The following TRPM3 variants were observed in gnomAD, a reference collection of about 807,000 sequenced individuals.
TRPM3 encodes transient receptor potential cation channel subfamily M member 3.
In TRPM3, 77 loss-of-function variants were observed where a neutral mutation model predicts 181.2. The observed-to-expected ratio is 0.42, with a 90% CI of 0.35 to 0.51. TRPM3 has a LOEUF of 0.51. Among genes scored for constraint, TRPM3 ranks in the 20% least tolerant of loss-of-function variants. TRPM3 has a pLI of 0.01. For missense variants in TRPM3, 1,759 were observed against 2,196.7 expected (o/e 0.80, Z 3.98); for synonymous variants, 745 against 796.4 (o/e 0.94, Z 1.09).
chr9:71,380,358 G>C (rs2092770572), intron 1 of TRPM3, among the ~76,000 whole-genome samples: 1 of 152,020 alleles, frequency 6.6e-6, no homozygotes, highest in South Asian at 2.1e-4. Flanking sequence ...TTGCGAGGAA[G>C]TATGCATGCT....
At chr9:71,423,020 G>A (rs1218185071) in intron 1 of TRPM3, among the ~76,000 whole-genome samples, 2 of 152,016 alleles carry the variant, frequency 1.3e-5, no homozygotes, top group African/African-American at 2.4e-5. Context: ...ACTGACAAAT[G>A]TGTTCTACGA....
intron 1 of TRPM3, among the ~76,000 whole-genome samples, chr9:71,278,233 A>G (rs1302317047): frequency 6.6e-6 from 1 of 152,220 alleles, no homozygotes; most frequent in African/African-American, 2.4e-5. Context: ...ATAAGCCATG[A>G]TCCCAGATTA....
At chr9:70,811,135 A>G (rs1335383419) in intron 6 of TRPM3, 1 of 1,526,798 alleles carries the variant, frequency 6.5e-7, no homozygotes, top group East Asian at 2.3e-5. Context: ...TTGGAGTTTA[A>G]GAAGAAATTC....
intron 22 of TRPM3, among the ~76,000 whole-genome samples, chr9:70,560,359 G>A (rs1473992876): frequency 6.6e-6 from 1 of 152,184 alleles, no homozygotes; most frequent in African/African-American, 2.4e-5. Flanking sequence ...TGACCCTGAA[G>A]TCTATATGTA....
chr9:70,975,220 T>G (rs1241322184), intron 1 of TRPM3, among the ~76,000 whole-genome samples: 1 of 152,200 alleles, frequency 6.6e-6, no homozygotes, highest in Non-Finnish European at 1.5e-5. Flanking sequence ...AAGGAGTTGT[T>G]GAACGGAGTC....
intron 1 of TRPM3, among the ~76,000 whole-genome samples, chr9:71,329,589 T>C (rs537025696): frequency 3.9e-5 from 6 of 152,298 alleles, no homozygotes; most frequent in African/African-American, 1.4e-4. Flanking sequence ...CAGGTTACAA[T>C]AAGTGTTGAA....
At chr9:71,068,521 T>C (rs990692633) in intron 1 of TRPM3, among the ~76,000 whole-genome samples, 1 of 152,114 alleles carries the variant, frequency 6.6e-6, no homozygotes. Flanking sequence ...ACACAACTAG[T>C]ATGTGCTTCT....
chr9:71,086,078 T>C (rs551193348), intron 1 of TRPM3, among the ~76,000 whole-genome samples: 122 of 152,118 alleles, frequency 8.0e-4, no homozygotes, highest in South Asian at 1.2e-3. Context: ...GCCATTATCC[T>C]AAGCAAATGA....
intron 1 of TRPM3, among the ~76,000 whole-genome samples, chr9:71,009,984 G>C (rs775110903): frequency 2.3e-4 from 35 of 152,156 alleles, no homozygotes; most frequent in Non-Finnish European, 1.0e-4. Flanking sequence ...TTGGGGAAAA[G>C]ACAGTCTCTT....
At chr9:70,643,124 C>T (rs2058307593) in intron 9 of TRPM3, among the ~76,000 whole-genome samples, 1 of 152,128 alleles carries the variant, frequency 6.6e-6, no homozygotes, top group African/African-American at 2.4e-5. Flanking sequence ...AAATTATCTC[C>T]TCAGGTAACA....
chr9:71,352,316 T>C (rs1289956032), intron 1 of TRPM3, among the ~76,000 whole-genome samples: 1 of 152,240 alleles, frequency 6.6e-6, no homozygotes, highest in Non-Finnish European at 1.5e-5. Context: ...CTGACTTAAT[T>C]TCTCCCATGA....
At chr9:71,097,051 G>A (rs576384027) in intron 1 of TRPM3, among the ~76,000 whole-genome samples, 1 of 152,186 alleles carries the variant, frequency 6.6e-6, no homozygotes, top group South Asian at 2.1e-4. Context: ...GGCAACACTA[G>A]CGGTTTCCTA....
At chr9:71,409,784 C>T (rs2093508677) in intron 1 of TRPM3, among the ~76,000 whole-genome samples, 1 of 152,162 alleles carries the variant, frequency 6.6e-6, no homozygotes, top group Non-Finnish European at 1.5e-5. Context: ...AAACTCTCCA[C>T]CCCAAATCAA....
intron 1 of TRPM3, among the ~76,000 whole-genome samples, chr9:71,379,962 C>T (rs1234851825): frequency 6.6e-6 from 1 of 151,970 alleles, no homozygotes; most frequent in East Asian, 1.9e-4. Context: ...CTATGCATTG[C>T]CATGTGTTCA....
intron 1 of TRPM3, among the ~76,000 whole-genome samples, chr9:71,162,541 G>A (rs2076332862): frequency 6.6e-6 from 1 of 152,050 alleles, no homozygotes; most frequent in Non-Finnish European, 1.5e-5. Flanking sequence ...TATGTAGTTA[G>A]CAAGAAAACA....
chr9:71,086,306 T>C (rs1206356831), intron 1 of TRPM3, among the ~76,000 whole-genome samples: 1 of 151,834 alleles, frequency 6.6e-6, no homozygotes, highest in African/African-American at 2.4e-5. Context: ...TATCATGTAA[T>C]ATACTCATAG....
chr9:71,349,711 A>T (rs2091494834), intron 1 of TRPM3, among the ~76,000 whole-genome samples: 1 of 152,112 alleles, frequency 6.6e-6, no homozygotes, highest in African/African-American at 2.4e-5. Context: ...GTCAAAATAT[A>T]TTTGAAAGGG....
intron 5 of TRPM3, among the ~76,000 whole-genome samples, chr9:70,836,970 C>T (rs761938534): frequency 5.9e-5 from 9 of 152,184 alleles, no homozygotes; most frequent in Non-Finnish European, 8.8e-5. Context: ...GCATTTCCCA[C>T]GTAAGTGAAT....
intron 1 of TRPM3, among the ~76,000 whole-genome samples, chr9:71,080,644 A>C (rs146762111): frequency 1.3e-5 from 2 of 151,598 alleles, no homozygotes; most frequent in African/African-American, 4.9e-5. Context: ...CCCAACTCCA[A>C]CTCTACCCAG....
Sources: gnomAD v4.1 joint callset for allele counts (sites outside exome capture counted in the v4.1 genomes callset) on GRCh38, gnomAD v4.1.1 for gene constraint, MANE v1.5 for transcripts, NCBI Gene and HGNC (gene_info 2026-07-23, HGNC 2026-07-21) for gene names.